PITPNC1: variants seen among roughly 807,000 people sequenced by gnomAD.
PITPNC1 encodes phosphatidylinositol transfer protein cytoplasmic 1.
In PITPNC1, 18 loss-of-function variants were observed where a neutral mutation model predicts 44.7. The observed-to-expected ratio is 0.40, with a 90% CI of 0.28 to 0.60. The LOEUF (loss-of-function observed/expected upper bound fraction) is 0.60. Ranked by LOEUF, PITPNC1 falls within the 20% of genes least tolerant of loss-of-function variation. PITPNC1 has a pLI of 0.39. For missense variants in PITPNC1, 290 were observed against 418.4 expected, an observed-to-expected ratio of 0.69 and a Z score of 2.68; for synonymous variants, 141 against 149.6, an observed-to-expected ratio of 0.94 and a Z score of 0.42.
At chr17:67,475,076 G>A (rs8073663) in intron 1 of PITPNC1, among the ~76,000 whole-genome samples, 11,199 of 152,186 alleles carry the variant, frequency 0.074, 1,265 homozygotes, top group African/African-American at 0.25. Flanking sequence ...GATGAGGGAG[G>A]GCCCTGCTTT....
chr17:67,643,888 T>G (rs1348250505), intron 6 of PITPNC1, among the ~76,000 whole-genome samples: 1 of 152,172 alleles, frequency 6.6e-6, no homozygotes, highest in Admixed American at 6.5e-5. Flanking sequence ...GGAAACCATG[T>G]GTCTTTGGAA....
intron 1 of PITPNC1, among the ~76,000 whole-genome samples, chr17:67,517,764 A>C (rs1445765169): frequency 2.0e-5 from 3 of 152,236 alleles, no homozygotes; most frequent in Admixed American, 2.0e-4. Context: ...GAAGAGAATC[A>C]GGGATGACTA....
At position 67,446,175 on chromosome 17, in the gene PITPNC1, G is replaced by A. The variant is rs997747117; in HGVS notation, c.48+67973G>A. On this transcript the variant is annotated intron_variant, in intron 1 of 8. Transcript: ENST00000581322. ...TTGGCCAGGATGGTCTCGATCTCTT[G>A]ACTTCATGATCCACCCGCCTCGGCC... Among the ~76,000 whole-genome samples the A allele has an allele frequency of 7.9e-5, 12 of 151,812 alleles. 1 individual carries two copies. The highest frequency in any genetic ancestry group is 1.8e-4 in the Non-Finnish European group (12 of 67,918).
intron 8 of PITPNC1, among the ~76,000 whole-genome samples, chr17:67,689,391 A>AT (rs2042880500): frequency 6.6e-6 from 1 of 152,188 alleles, no homozygotes; most frequent in South Asian, 2.1e-4. Flanking sequence ...CGGAGAAGTT[A>AT]CACAAAGTGG....
chr17:67,404,819 G>A (rs1288997413), intron 1 of PITPNC1, among the ~76,000 whole-genome samples: 1 of 152,166 alleles, frequency 6.6e-6, no homozygotes, highest in Admixed American at 6.5e-5. Context: ...GGCCAGGCAT[G>A]GTGTAGATTA....
intron 3 of PITPNC1, 166 bp from the exon 4 acceptor site, chr17:67,553,444 C>T (rs1026572989): frequency 4.3e-5 from 18 of 422,406 alleles, no homozygotes; most frequent in Admixed American, 4.5e-5. Flanking sequence ...CAGTGCAACA[C>T]GGAGACATTC....
At position 67,441,279 on chromosome 17, in the gene PITPNC1, C is replaced by T. The variant is rs189716594; in HGVS notation, c.48+63077C>T. Among the ~76,000 whole-genome samples the T allele has an allele frequency of 3.5e-3, 525 of 148,416 alleles. 7 individuals are homozygous for T. The highest frequency in any genetic ancestry group is 3.6e-3 in the East Asian group (18 of 4,950). ...TCTCGCAGGCTTGTATTTATTAAGCCCCCCCCCGCCACCCATCAGTCCCCA... is the reference window on the plus strand; with the variant it reads ...TCTCGCAGGCTTGTATTTATTAAGCTCCCCCCCGCCACCCATCAGTCCCCA... On this transcript the variant is annotated intron_variant, in intron 1 of 8. Transcript: ENST00000581322.
intron 1 of PITPNC1, among the ~76,000 whole-genome samples, chr17:67,467,054 A>ATTTTTTTT (rs10623552): frequency 5.2e-5 from 5 of 95,354 alleles, no homozygotes; most frequent in Non-Finnish European, 1.0e-4. Flanking sequence ...CAGTTAGGAG[A>ATTTTTTTT]TTTTTTTTTT....
chr17:67,377,531 G>C lies in PITPNC1; in HGVS notation c.-624G>C, dbSNP rs563117871. ...CGGCGGCGGCTTCCCTTTTCTCCCC[G>C]AGCCGAGCCCCGGAGCGGCGCGGGG... On this transcript the variant is annotated 5_prime_UTR_variant, in exon 1 of 9. Transcript: ENST00000581322. 6.5e-6 allele frequency: 1 copy of C among 153,908 alleles called. No individual in the cohort carries two copies. The highest frequency in any genetic ancestry group is 1.8e-4 in the South Asian group (1 of 5,668). 9.5% of individuals were successfully genotyped at this position (153,908 alleles called of 1,614,324 possible). A position where few individuals can be genotyped will look rare whatever the true frequency, so the allele number is the denominator to read the frequency against.
At chr17:67,626,073 G>A (rs1490885254) in intron 5 of PITPNC1, among the ~76,000 whole-genome samples, 1 of 150,786 alleles carries the variant, frequency 6.6e-6, no homozygotes, top group Admixed American at 6.7e-5. Context: ...TGCAACCTCT[G>A]CCTCTCGGCT....
chr17:67,527,799 G>A (rs897734413), intron 1 of PITPNC1, among the ~76,000 whole-genome samples: 2 of 152,166 alleles, frequency 1.3e-5, no homozygotes, highest in African/African-American at 4.8e-5. Context: ...AAGGCCAGGA[G>A]TTGGAGACTA....
At chr17:67,513,501 A>T (rs917865006) in intron 1 of PITPNC1, among the ~76,000 whole-genome samples, 4 of 147,928 alleles carry the variant, frequency 2.7e-5, no homozygotes, top group African/African-American at 9.9e-5. Context: ...ATATATATAT[A>T]TATATATATA....
intron 4 of PITPNC1, among the ~76,000 whole-genome samples, chr17:67,562,297 G>A (rs927054931): frequency 3.9e-5 from 6 of 152,152 alleles, no homozygotes; most frequent in Non-Finnish European, 5.9e-5. Context: ...AGAGGCCCGC[G>A]TGCATTTCCA....
chr17:67,550,203 G>GC (rs1176207852), intron 2 of PITPNC1, among the ~76,000 whole-genome samples: 4 of 152,166 alleles, frequency 2.6e-5, no homozygotes, highest in Non-Finnish European at 4.4e-5. Flanking sequence ...CATCAGAGCA[G>GC]CAAGAAGGAT....
chr17:67,417,723 C>T (rs1469664637), intron 1 of PITPNC1, among the ~76,000 whole-genome samples: 2 of 152,134 alleles, frequency 1.3e-5, no homozygotes, highest in Non-Finnish European at 2.9e-5. Flanking sequence ...AAAGGTTTCC[C>T]TCAGACATGG....
chr17:67,440,892 C>G (rs1417207233), intron 1 of PITPNC1, among the ~76,000 whole-genome samples: 1 of 151,878 alleles, frequency 6.6e-6, no homozygotes, highest in Non-Finnish European at 1.5e-5. Context: ...GCCTGTGTAG[C>G]ACTGGGAACA....
intron 1 of PITPNC1, among the ~76,000 whole-genome samples, chr17:67,418,557 A>T (rs892836315): frequency 6.8e-6 from 1 of 147,740 alleles, no homozygotes; most frequent in Middle Eastern, 3.5e-3. Context: ...CATATTAGGA[A>T]TTTTTTTTTT....
chr17:67,403,215 C>CAAAAAAA (rs1567976484), intron 1 of PITPNC1, among the ~76,000 whole-genome samples: 2 of 13,984 alleles, frequency 1.4e-4, no homozygotes, highest in African/African-American at 8.0e-4. Context: ...GACCTCATCT[C>CAAAAAAA]TACAAAAAAA....
intron 1 of PITPNC1, 44 bp downstream of exon 1, chr17:67,378,246 C>A (rs1183911030): frequency 6.1e-6 from 8 of 1,314,374 alleles, no homozygotes; most frequent in East Asian, 3.0e-5. Flanking sequence ...CCGGGACCCC[C>A]GCCGCTACCG....
Sources: allele counts gnomAD v4.1 joint callset (sites outside exome capture counted in the v4.1 genomes callset), GRCh38; gene constraint gnomAD v4.1.1; transcripts MANE v1.5; gene names NCBI Gene and HGNC (gene_info 2026-07-23, HGNC 2026-07-21).